IMPG2: variants seen among roughly 807,000 people sequenced by gnomAD.
IMPG2 encodes IPM 200.
IMPG2 carries 91 observed loss-of-function variants against 129.2 expected under a neutral mutation model. The ratio of observed to expected loss-of-function variants is 0.70; its 90% confidence interval spans 0.59 to 0.84. IMPG2 has a LOEUF of 0.84. IMPG2 is among the 40% of genes least tolerant of loss of function. IMPG2 has a pLI of 0.00. For synonymous variants in IMPG2, 510 were observed against 517.7 expected, an observed-to-expected ratio of 0.99 and a Z score of 0.20; for missense variants, 1,430 against 1,461.7, an observed-to-expected ratio of 0.98 and a Z score of 0.35.
In IMPG2 at chr3:101,311,179, T is replaced by TAA. The variant is rs34222157; in HGVS notation, c.335-6869_335-6868dup. Reference sequence around the variant, plus strand: ...CTTAGGAAAATCTACTACAACTAGGTAAAAAAAAAAAAAAGTGAAAATCAG... The same window carrying TAA: ...CTTAGGAAAATCTACTACAACTAGGTAAAAAAAAAAAAAAAAGTGAAAATCAG... On this transcript the variant is annotated intron_variant, in intron 2 of 18. Transcript: ENST00000193391. Among the ~76,000 whole-genome samples, 1,061 of 142,752 alleles carry TAA rather than the reference T, an allele frequency of 7.4e-3. 15 individuals are homozygous for TAA. Among genetic ancestry groups the TAA allele is most frequent in the African/African-American group, 0.019 (716 of 38,546 alleles). 93.7% of individuals were successfully genotyped at this position (142,752 alleles called of 152,430 possible). A position where few individuals can be genotyped will look rare whatever the true frequency, so the allele number is the denominator to read the frequency against.
rs986827966 is a variant in IMPG2 at position 101,256,671 on chromosome 3, A to G, written c.1153+858T>C. ...CCTCTTTAAAATGTGTGGGAGCTAG[A>G]GAGGCTGTAAAAATGCATCATTAGC... On this transcript the variant is annotated intron_variant, in intron 10 of 18. Transcript: ENST00000193391. Among the ~76,000 whole-genome samples the G allele has an allele frequency of 8.5e-5, 13 of 152,246 alleles. No homozygotes were observed. In the East Asian group the frequency reaches 2.5e-3, roughly 29 times the overall value.
chr3:101,287,047 G>C (rs567093082), intron 4 of IMPG2, among the ~76,000 whole-genome samples: 16 of 152,132 alleles, frequency 1.1e-4, no homozygotes, highest in Non-Finnish European at 2.2e-4. Context: ...AAAAAGCACA[G>C]ATCTAAATTT....
chr3:101,273,508 A>T (rs1440528235), intron 7 of IMPG2, 73 bp downstream of exon 7: 46 of 1,494,788 alleles, frequency 3.1e-5, no homozygotes, highest in Non-Finnish European at 1.6e-5. Flanking sequence ...ACCTATCTTT[A>T]AACAGTGTTG....
intron 2 of IMPG2, among the ~76,000 whole-genome samples, chr3:101,318,967 C>T (rs1265389557): frequency 1.3e-5 from 2 of 151,892 alleles, no homozygotes; most frequent in Non-Finnish European, 1.5e-5. Flanking sequence ...TTTATGTGTA[C>T]CAACTAGAGA....
chr3:101,263,799 C>T (rs1706694169), intron 9 of IMPG2, among the ~76,000 whole-genome samples: 1 of 147,682 alleles, frequency 6.8e-6, no homozygotes, highest in African/African-American at 2.5e-5. Context: ...ATCAACAAAC[C>T]ATTAGTTAGA....
chr3:101,292,399 T>G (rs969396382), intron 3 of IMPG2, among the ~76,000 whole-genome samples: 4 of 152,208 alleles, frequency 2.6e-5, no homozygotes, highest in African/African-American at 9.7e-5. Flanking sequence ...CTAGTGTATA[T>G]AAAAGTTATG....
chr3:101,268,954 A>G (rs767180163), intron 8 of IMPG2, among the ~76,000 whole-genome samples: 1 of 152,234 alleles, frequency 6.6e-6, no homozygotes, highest in Non-Finnish European at 1.5e-5. Flanking sequence ...CTGAAGATTA[A>G]GTGAGCTCAG....
At chr3:101,283,955 G>A (rs1334926632) in intron 4 of IMPG2, among the ~76,000 whole-genome samples, 1 of 152,186 alleles carries the variant, frequency 6.6e-6, no homozygotes, top group Non-Finnish European at 1.5e-5. Context: ...GGTTAGACAT[G>A]TTAAGAAGCT....
intron 7 of IMPG2, among the ~76,000 whole-genome samples, chr3:101,269,926 CTTTTTTTTTTTT>C (rs5851267): frequency 0.017 from 1,799 of 106,984 alleles, 47 homozygotes; most frequent in African/African-American, 0.058. Flanking sequence ...TTATTTTATT[CTTTTTTTTTTTT>C]TTTTTTTTTT....
At chr3:101,289,109 G>C (rs1267707356) in intron 4 of IMPG2, among the ~76,000 whole-genome samples, 2 of 152,136 alleles carry the variant, frequency 1.3e-5, no homozygotes, top group African/African-American at 4.8e-5. Context: ...TCATTCATCA[G>C]GATCCTACAG....
chr3:101,294,186 T>C (rs1707052556), intron 3 of IMPG2, among the ~76,000 whole-genome samples: 1 of 152,128 alleles, frequency 6.6e-6, no homozygotes, highest in African/African-American at 2.4e-5. Flanking sequence ...CAACCCATCA[T>C]CTAGGTTTCA....
At chr3:101,247,806 A>G (rs2107223980) in intron 11 of IMPG2, among the ~76,000 whole-genome samples, 1 of 152,248 alleles carries the variant, frequency 6.6e-6, no homozygotes, top group African/African-American at 2.4e-5. Flanking sequence ...TACTTCTTCA[A>G]TTGCTGAATG....
At chr3:101,237,419 T>G (rs1238508956) in intron 14 of IMPG2, among the ~76,000 whole-genome samples, 1 of 152,178 alleles carries the variant, frequency 6.6e-6, no homozygotes, top group East Asian at 1.9e-4. Flanking sequence ...GTCTCCTGAC[T>G]GGGGGACACC....
intron 12 of IMPG2, 43 bp from the exon 13 acceptor site, chr3:101,244,830 A>G: frequency 6.5e-7 from 1 of 1,536,522 alleles, no homozygotes; most frequent in Non-Finnish European, 9.0e-7. Context: ...AGAGTTGCCA[A>G]AATGTATTCC....
At chr3:101,257,842 T>G in intron 9 of IMPG2, 69 bp from the exon 10 acceptor site, 3 of 1,559,892 alleles carry the variant, frequency 1.9e-6, no homozygotes, top group Non-Finnish European at 2.6e-6. Flanking sequence ...ATTGAACCCA[T>G]GAAGAACAAA....
chr3:101,230,147 A>G (rs925581684), intron 16 of IMPG2, among the ~76,000 whole-genome samples: 2 of 152,216 alleles, frequency 1.3e-5, no homozygotes, highest in African/African-American at 4.8e-5. Flanking sequence ...ACACAATAAG[A>G]ATATAATAAC....
chr3:101,232,972 G>T lies in IMPG2; in HGVS notation c.3042C>A (p.Cys1014Ter). 3 of 1,613,996 alleles carry T rather than the reference G, an allele frequency of 1.9e-6. No individual in the cohort carries two copies. Among genetic ancestry groups the T allele is most frequent in the Non-Finnish European group, 2.5e-6 (3 of 1,179,942 alleles). The change falls in exon 15 of 19, where the codon TGC becomes TGA. Residue 1014 changes from cysteine to a stop codon, truncating the protein, a stop_gained. Coordinates refer to ENST00000193391, the MANE Select transcript of IMPG2 (RefSeq NM_016247.4). LOFTEE classifies it high-confidence loss of function. ...DVESGDEANP[C>*]KFQACNEFSE... ...AAAATTCATTACAGGCCTGAAACTT[G>T]CAAGGGTTGGCTTCATCACCTAAAA...
intron 9 of IMPG2, among the ~76,000 whole-genome samples, chr3:101,265,774 C>T (rs767942272): frequency 3.9e-5 from 6 of 151,914 alleles, no homozygotes; most frequent in East Asian, 3.9e-4. Context: ...ACCCGCAGTA[C>T]GATAGAAAAT....
chr3:101,273,655 T>G lies in IMPG2; in HGVS notation c.754A>C (p.Lys252Gln), dbSNP rs1342721148. 27 of 1,614,148 alleles carry G rather than the reference T, an allele frequency of 1.7e-5. No individual in the cohort carries two copies. The highest frequency in any genetic ancestry group is 2.2e-5 in the Non-Finnish European group (26 of 1,180,000). Residue 252 changes from lysine to glutamine, a missense_variant, in exon 7 of 19, where the codon AAG becomes CAG. Physicochemically the swap from Lys to Gln is moderately conservative, Grantham distance 53 (BLOSUM62 1). Transcript: ENST00000193391. ...TCCTGTAGTTCTTCCCTGTACTGCT[T>G]CCCCAAAAGGTGGATACTGAATTCT... Reference protein sequence around the residue: ...IAEFSIHLLGKQYREELQDSS... With the variant: ...IAEFSIHLLGQQYREELQDSS...
Sources: gnomAD v4.1 joint callset for allele counts (sites outside exome capture counted in the v4.1 genomes callset) on GRCh38, gnomAD v4.1.1 for gene constraint, MANE v1.5 for transcripts, NCBI Gene and HGNC (gene_info 2026-07-23, HGNC 2026-07-21) for gene names.